BCL2: variants seen among roughly 807,000 people sequenced by gnomAD.
The protein encoded by BCL2 is BCL2 apoptosis regulator.
BCL2 carries 1 observed loss-of-function variant against 14.2 expected under a neutral mutation model. The ratio of observed to expected loss-of-function variants is 0.07; its 90% CI spans 0.02 to 0.33. The LOEUF is 0.33. Among genes scored for constraint, BCL2 ranks in the 10% least tolerant of loss-of-function variants. The pLI is 0.99. For missense variants in BCL2, 247 were observed against 305.9 expected, an observed-to-expected ratio of 0.81 and a Z score of 1.44; for synonymous variants, 151 against 137.2, an observed-to-expected ratio of 1.10 and a Z score of -0.70.
intron 2 of BCL2, among the ~76,000 whole-genome samples, chr18:63,152,692 T>C (rs1308500990): frequency 6.6e-6 from 1 of 152,216 alleles, no homozygotes; most frequent in East Asian, 1.9e-4. Context: ...CAATAGCTTA[T>C]CATGTGCTTG....
chr18:63,253,949 C>T (rs941434132), intron 2 of BCL2, among the ~76,000 whole-genome samples: 9 of 147,750 alleles, frequency 6.1e-5, no homozygotes, highest in East Asian at 2.0e-4. Context: ...TCTCTCTTAT[C>T]GAGGAGGATT....
Position 63,253,239 on chromosome 18 carries a change from G to A in BCL2, c.585+64843C>T, listed in dbSNP as rs1489437470. On this transcript the variant is annotated intron_variant, in intron 2 of 2. Coordinates refer to ENST00000333681, the MANE Select transcript of BCL2 (RefSeq NM_000633.3). ...GATGAGCAGAAGGAGCCCCAGAAAA[G>A]CCTGGGTAGGAAAGGACAGAGCAGA... 2.6e-5 allele frequency among the ~76,000 whole-genome samples: 4 copies of A among 152,164 alleles called. No individual in the cohort carries two copies. In the East Asian group the frequency reaches 7.7e-4, roughly 29 times the overall value.
At chr18:63,199,156 C>T (rs1909604054) in intron 2 of BCL2, among the ~76,000 whole-genome samples, 1 of 149,280 alleles carries the variant, frequency 6.7e-6, no homozygotes, top group African/African-American at 2.5e-5. Context: ...CGCAGACACA[C>T]ACACCACACA....
chr18:63,318,107 G>C lies in BCL2; in HGVS notation c.560C>G (p.Thr187Ser). 6.2e-7 allele frequency: 1 copy of C among 1,614,090 alleles called. No individual in the cohort carries two copies. Among genetic ancestry groups the C allele is most frequent in the Non-Finnish European group, 8.5e-7 (1 of 1,180,014 alleles). ...MTEYLNRHLH[T>S]WIQDNGGWDA... The stretch of plus-strand genomic sequence containing the variant: ...CCAGCCTCCGTTATCCTGGATCCAG[G>C]TGTGCAGGTGCCGGTTCAGGTACTC... Residue 187 changes from threonine (T) to serine (S), a missense_variant, in exon 2 of 3, where the codon ACC (threonine) becomes AGC (serine). Thr to Ser is a moderately conservative substitution (Grantham distance 58). Coordinates refer to ENST00000333681, the MANE Select transcript of BCL2 (RefSeq NM_000633.3). This position sits in a 1 kb window ranked among gnomAD's most constrained non-coding sequence, Gnocchi z 7.4.
chr18:63,318,160 C>T lies in BCL2; in HGVS notation c.507G>A (p.Leu169=). 1 of 1,614,164 alleles carries T rather than the reference C, an allele frequency of 6.2e-7. No homozygotes were observed. Among genetic ancestry groups the T allele is most frequent in the Non-Finnish European group, 8.5e-7 (1 of 1,180,030 alleles). ...TCATCCACAGGGCGATGTTGTCCAC[C>T]AGGGGCGACATCTCCCGGTTGACGC... The part of the protein sequence containing the change: ...VESVNREMSP[L]VDNIALWMTE... Residue 169 remains leucine, a synonymous_variant, in exon 2 of 3, where the codon CTG becomes CTA. Coordinates refer to ENST00000333681, the MANE Select transcript of BCL2 (RefSeq NM_000633.3). The surrounding 1 kb of genome is among the most constrained non-coding windows in gnomAD (Gnocchi z 7.4).
intron 2 of BCL2, among the ~76,000 whole-genome samples, chr18:63,301,655 T>C (rs1912963506): frequency 6.6e-6 from 1 of 152,202 alleles, no homozygotes; most frequent in South Asian, 2.1e-4. Flanking sequence ...AAAGATCTTT[T>C]ACTCACAAAT....
At chr18:63,282,592 A>G (rs1293970190) in intron 2 of BCL2, among the ~76,000 whole-genome samples, 1 of 152,214 alleles carries the variant, frequency 6.6e-6, no homozygotes, top group Admixed American at 6.5e-5. Flanking sequence ...TTTAACAAGC[A>G]TTCAATATCT....
intron 2 of BCL2, among the ~76,000 whole-genome samples, chr18:63,147,853 G>A (rs1447372835): frequency 6.6e-6 from 1 of 152,150 alleles, no homozygotes. Context: ...CTCGGGCAAT[G>A]GAACCATACA....
chr18:63,281,118 T>TAGTC (rs1310670428), intron 2 of BCL2, among the ~76,000 whole-genome samples: 1 of 151,846 alleles, frequency 6.6e-6, no homozygotes, highest in Non-Finnish European at 1.5e-5. Context: ...GTACCTAGAG[T>TAGTC]AGTCAAGTTC....
rs1555697354 is a variant in BCL2 at position 63,169,336 on chromosome 18, C to CCTTTCTTTCTCTTTCTTTCTTT, written c.586-40578_586-40577insAAAGAAAGAAAGAGAAAGAAAG. ...CCTTCCTTCCTTCTTTCCTTTCCTT[C>CCTTTCTTTCTCTTTCTTTCTTT]CTTTCTTTCTTTCTTTCTTTCTTTC... On this transcript the variant is annotated intron_variant, in intron 2 of 2. Coordinates refer to ENST00000333681, the MANE Select transcript of BCL2 (RefSeq NM_000633.3). 4.8e-5 allele frequency among the ~76,000 whole-genome samples: 3 copies of CCTTTCTTTCTCTTTCTTTCTTT among 62,054 alleles called. 1 individual carries two copies. The highest frequency in any genetic ancestry group is 2.4e-4 in the African/African-American group (3 of 12,292). The allele number at this position is 62,054 out of a possible 152,430, so 40.7% of individuals were successfully genotyped here.
At position 63,125,254 on chromosome 18, in the gene BCL2, T is replaced by C; in HGVS notation, c.*3371A>G. On this transcript the variant is annotated 3_prime_UTR_variant, in exon 3 of 3. Transcript: ENST00000333681. ...AGAGGTAAGTGAGCTGTGGAGAGAA[T>C]GTTGGCGTCTTGTTTGAACTAAATT... The C allele has an allele frequency of 4.4e-6, 1 of 226,220 alleles. No individual in the cohort carries two copies. The highest frequency in any genetic ancestry group is 6.3e-5 in the East Asian group (1 of 15,818). 14.0% of individuals were successfully genotyped at this position (226,220 alleles called of 1,614,324 possible).
intron 2 of BCL2, among the ~76,000 whole-genome samples, chr18:63,299,937 G>A (rs114890094): frequency 0.011 from 1,631 of 151,646 alleles, 21 homozygotes; most frequent in African/African-American, 0.038. Context: ...ATCTGTTTGT[G>A]TGTCTGTTTC....
chr18:63,212,213 C>G (rs575886605), intron 2 of BCL2, among the ~76,000 whole-genome samples: 3 of 151,380 alleles, frequency 2.0e-5, no homozygotes, highest in South Asian at 2.1e-4. Context: ...GTAGTCCCAG[C>G]TACTCGGGAG....
intron 2 of BCL2, among the ~76,000 whole-genome samples, chr18:63,293,855 C>T (rs1174649004): frequency 2.6e-5 from 4 of 152,120 alleles, no homozygotes; most frequent in Non-Finnish European, 4.4e-5. Context: ...CTTCCTCACC[C>T]GGCTCCTGAT....
chr18:63,259,009 C>A (rs1425299232), intron 2 of BCL2, among the ~76,000 whole-genome samples: 1 of 152,190 alleles, frequency 6.6e-6, no homozygotes, highest in African/African-American at 2.4e-5. Flanking sequence ...AGAGCTTCAC[C>A]ACAAACATTT....
At chr18:63,302,149 G>A (rs1298037659) in intron 2 of BCL2, among the ~76,000 whole-genome samples, 2 of 151,830 alleles carry the variant, frequency 1.3e-5, no homozygotes, top group Admixed American at 6.6e-5. Context: ...CCAACATGAT[G>A]AAAACCAGTC....
At chr18:63,250,113 G>A (rs1336607191) in intron 2 of BCL2, among the ~76,000 whole-genome samples, 1 of 152,186 alleles carries the variant, frequency 6.6e-6, no homozygotes, top group Non-Finnish European at 1.5e-5. Context: ...ACTCCTGCTA[G>A]TGTATTATAC....
chr18:63,302,306 A>AAT, intron 2 of BCL2: 1 of 980,418 alleles, frequency 1.0e-6, no homozygotes, highest in Non-Finnish European at 1.2e-6. Flanking sequence ...CTTCTCAAAA[A>AAT]AAAAAAAAAG....
At chr18:63,198,835 A>AGT (rs1909570527) in intron 2 of BCL2, among the ~76,000 whole-genome samples, 5 of 149,516 alleles carry the variant, frequency 3.3e-5, no homozygotes, top group Admixed American at 6.6e-5. Flanking sequence ...AGACATACAC[A>AGT]GACACACATA....
Sources: allele counts gnomAD v4.1 joint callset (sites outside exome capture counted in the v4.1 genomes callset), GRCh38; gene constraint gnomAD v4.1.1; non-coding constraint Gnocchi (gnomAD v3.1); transcripts MANE v1.5; gene names NCBI Gene and HGNC (gene_info 2026-07-23, HGNC 2026-07-21).